The following CHCHD3 variants were observed in gnomAD, a reference collection of about 807,000 sequenced individuals.
The protein encoded by CHCHD3 is coiled-coil-helix-coiled-coil-helix domain containing 3, also known as MICOS complex subunit MIC19.
A neutral mutation model predicts 38.2 loss-of-function variants in CHCHD3; 20 were observed. The ratio of observed to expected loss-of-function variants is 0.52; its 90% CI spans 0.37 to 0.76. CHCHD3 has a LOEUF of 0.76. Among genes scored for constraint, CHCHD3 ranks in the 30% least tolerant of loss-of-function variants. The pLI is 0.00. For synonymous variants in CHCHD3, 82 were observed against 100.0 expected (o/e 0.82, Z 1.07); for missense variants, 245 against 279.2 (o/e 0.88, Z 0.87).
chr7:132,941,201 T>G (rs995959669), intron 4 of CHCHD3, among the ~76,000 whole-genome samples: 1 of 152,202 alleles, frequency 6.6e-6, no homozygotes, highest in Non-Finnish European at 1.5e-5. Flanking sequence ...TAGCTAAATA[T>G]TGATGATAAC....
chr7:133,069,912 A>C (rs1814769763), intron 2 of CHCHD3, among the ~76,000 whole-genome samples: 2 of 152,240 alleles, frequency 1.3e-5, no homozygotes, highest in Admixed American at 6.5e-5. Flanking sequence ...CTAGTAGAGG[A>C]TTCAAGAGTG....
intron 4 of CHCHD3, among the ~76,000 whole-genome samples, chr7:132,948,991 C>T (rs1408300133): frequency 6.6e-6 from 1 of 152,112 alleles, no homozygotes; most frequent in Admixed American, 6.6e-5. Context: ...GTATTTAGTG[C>T]TTTCAAATGA....
intron 2 of CHCHD3, among the ~76,000 whole-genome samples, chr7:133,048,063 G>A (rs941990458): frequency 6.6e-6 from 1 of 152,004 alleles, no homozygotes; most frequent in Admixed American, 6.5e-5. Flanking sequence ...ACTCCAGGCT[G>A]GGCAACAAGA....
intron 3 of CHCHD3, among the ~76,000 whole-genome samples, chr7:132,980,854 G>A (rs1475408089): frequency 2.0e-5 from 3 of 152,178 alleles, no homozygotes; most frequent in Non-Finnish European, 2.9e-5. Context: ...AAACTAGCCA[G>A]TTTGACTTTA....
chr7:132,789,699 T>G (rs1397261427), intron 7 of CHCHD3, among the ~76,000 whole-genome samples: 1 of 152,140 alleles, frequency 6.6e-6, no homozygotes, highest in Non-Finnish European at 1.5e-5. Flanking sequence ...CCAATCATCA[T>G]GAAGAGAAGA....
intron 6 of CHCHD3, among the ~76,000 whole-genome samples, chr7:132,810,391 G>A (rs1360549296): frequency 6.6e-6 from 1 of 152,098 alleles, no homozygotes; most frequent in African/African-American, 2.4e-5. Flanking sequence ...TTTTTGTTCT[G>A]ATTAAATATT....
At chr7:133,033,933 C>T (rs773599573) in intron 2 of CHCHD3, among the ~76,000 whole-genome samples, 19 of 134,410 alleles carry the variant, frequency 1.4e-4, no homozygotes, top group Non-Finnish European at 2.7e-4. Flanking sequence ...AAATTGCAAC[C>T]TAAACACTCC....
intron 5 of CHCHD3, among the ~76,000 whole-genome samples, chr7:132,868,007 C>T (rs10488210): frequency 0.35 from 53,008 of 151,908 alleles, 10,374 homozygotes; most frequent in African/African-American, 0.51. Context: ...CTGTAGCATA[C>T]TCCAATAAAA....
chr7:132,898,668 C>T (rs555750996), intron 4 of CHCHD3, among the ~76,000 whole-genome samples: 3 of 152,358 alleles, frequency 2.0e-5, no homozygotes, highest in East Asian at 3.9e-4. Flanking sequence ...TGGCGCTCGT[C>T]GAGGAGGCTC....
chr7:132,945,135 G>C (rs1226853381), intron 4 of CHCHD3, among the ~76,000 whole-genome samples: 1 of 151,782 alleles, frequency 6.6e-6, no homozygotes, highest in Non-Finnish European at 1.5e-5. Flanking sequence ...AAAATATAAA[G>C]AATGCATATT....
intron 6 of CHCHD3, among the ~76,000 whole-genome samples, chr7:132,835,781 T>A (rs532076277): frequency 6.6e-6 from 1 of 152,216 alleles, no homozygotes; most frequent in African/African-American, 2.4e-5. Context: ...CCTCAGAATG[T>A]GACTGTATTT....
intron 6 of CHCHD3, among the ~76,000 whole-genome samples, chr7:132,817,364 A>C (rs1301683435): frequency 1.3e-5 from 2 of 152,198 alleles, no homozygotes; most frequent in Non-Finnish European, 2.9e-5. Context: ...TTCAAAGGGA[A>C]GGAAAGTTTT....
At chr7:132,970,084 G>A (rs183113557) in intron 4 of CHCHD3, among the ~76,000 whole-genome samples, 7 of 152,210 alleles carry the variant, frequency 4.6e-5, no homozygotes, top group East Asian at 1.9e-4. Context: ...GGGTTAAGTC[G>A]TGAATCCCCT....
At chr7:132,810,933 T>C (rs560255311) in intron 6 of CHCHD3, among the ~76,000 whole-genome samples, 6 of 152,288 alleles carry the variant, frequency 3.9e-5, no homozygotes, top group African/African-American at 1.4e-4. Flanking sequence ...CCTGCCACAA[T>C]GTTATGGCAC....
At chr7:133,022,453 C>T (rs1462415001) in intron 3 of CHCHD3, 1 of 456,568 alleles carries the variant, frequency 2.2e-6, no homozygotes, top group Non-Finnish European at 4.4e-6. Context: ...TGCTAAAAGA[C>T]TGCACACAAA....
Position 132,981,489 on chromosome 7 carries a change from A to G in CHCHD3, c.252-6203T>C, listed in dbSNP as rs187126691. Among the ~76,000 whole-genome samples the G allele has an allele frequency of 3.1e-3, 470 of 152,336 alleles. 1 individual carries two copies. The highest frequency in any genetic ancestry group is 6.1e-3 in the Admixed American group (94 of 15,294). ...TGTAAGGACAGTTTTTAAATCTTAC[A>G]TTATTCACGGTTATTTTAAAATAGG... On this transcript the variant is annotated intron_variant, in intron 3 of 7. Coordinates refer to ENST00000262570, the MANE Select transcript of CHCHD3 (RefSeq NM_017812.4).
intron 1 of CHCHD3, among the ~76,000 whole-genome samples, chr7:133,079,263 C>T (rs906388563): frequency 3.9e-5 from 6 of 152,220 alleles, no homozygotes; most frequent in African/African-American, 1.2e-4. Flanking sequence ...CAAACACTGT[C>T]AAAGTACAAG....
intron 2 of CHCHD3, among the ~76,000 whole-genome samples, chr7:133,024,866 C>T (rs1347276707): frequency 1.3e-5 from 2 of 152,122 alleles, no homozygotes. Flanking sequence ...AAATTTATAA[C>T]AAACTCAAGG....
chr7:133,037,222 A>G (rs1171539269), intron 2 of CHCHD3, among the ~76,000 whole-genome samples: 1 of 152,234 alleles, frequency 6.6e-6, no homozygotes, highest in Non-Finnish European at 1.5e-5. Context: ...TTAAAAGACT[A>G]TTAAATCTTC....
Sources: gnomAD v4.1 joint callset for allele counts (sites outside exome capture counted in the v4.1 genomes callset) on GRCh38, gnomAD v4.1.1 for gene constraint, MANE v1.5 for transcripts, NCBI Gene and HGNC (gene_info 2026-07-23, HGNC 2026-07-21) for gene names.